Variants in ZMYM5 observed in about 807,000 individuals in gnomAD.
ZMYM5 encodes the protein zinc finger MYM-type protein 5.
ZMYM5 carries 41 observed loss-of-function variants against 61.8 expected under a neutral mutation model. The ratio of observed to expected loss-of-function variants is 0.66; its 90% CI spans 0.52 to 0.86. The LOEUF is 0.86. ZMYM5 is among the 40% of genes least tolerant of loss of function. The pLI, the probability that ZMYM5 is intolerant of heterozygous loss-of-function variation, is 0.00. For missense variants in ZMYM5, 706 were observed against 786.7 expected (o/e 0.90, Z 1.23); for synonymous variants, 257 against 276.4 (o/e 0.93, Z 0.70).
At chr13:19,832,516 A>G (rs1294400470) in intron 7 of ZMYM5, among the ~76,000 whole-genome samples, 2 of 149,758 alleles carry the variant, frequency 1.3e-5, no homozygotes, top group Non-Finnish European at 3.0e-5. Flanking sequence ...TAGTAGAGAC[A>G]GGGTTTCACT....
In ZMYM5 at chr13:19,838,967, G is replaced by C. The variant is rs1036089252; in HGVS notation, c.605C>G (p.Ser202Ter). 6.2e-7 allele frequency: 1 copy of C among 1,609,458 alleles called. No individual in the cohort carries two copies. The highest frequency in any genetic ancestry group is 8.5e-7 in the Non-Finnish European group (1 of 1,177,480). ...TTTCTGATTACTGGGAAATGAAGCT[G>C]ACTGGGAGATCCAAGAATCTTAAAA... is the stretch of plus-strand genomic sequence containing the variant. ...HHSPDSWISQ[S>*]ASFPSNQKQP... Residue 202 changes from serine (S) to a stop codon, truncating the protein, a stop_gained, in exon 5 of 8, where the codon TCA (serine) becomes TGA (stop). Coordinates refer to ENST00000337963, the MANE Select transcript of ZMYM5 (RefSeq NM_001142684.2). LOFTEE classifies it high-confidence loss of function.
rs753102169 is a variant in ZMYM5 at position 19,824,932 on chromosome 13, A to G, written c.1555T>C (p.Ser519Pro). The G allele has an allele frequency of 9.5e-6, 13 of 1,363,652 alleles. No individual in the cohort carries two copies. The highest frequency in any genetic ancestry group is 1.3e-5 in the Non-Finnish European group (13 of 1,019,878). The allele number at this position is 1,363,652 out of a possible 1,614,324, so 84.5% of individuals were successfully genotyped here. A position where few individuals can be genotyped will look rare whatever the true frequency, so the allele number is the denominator to read the frequency against. Reference protein sequence around the residue: ...FEDSIVPVVLSADPGTWPRIL... With the variant: ...FEDSIVPVVLPADPGTWPRIL... ...CGGGGCCACGTACCTGGATCTGCGG[A>G]AAGCACAACTGGTACAATGGAGTCT... Residue 519 changes from serine to proline, a missense_variant, in exon 8 of 8, where the codon TCC (serine) becomes CCC (proline). Physicochemically the swap from Ser to Pro is moderately conservative, Grantham distance 74. Coordinates refer to ENST00000337963, the MANE Select transcript of ZMYM5 (RefSeq NM_001142684.2).
At chr13:19,842,373 T>C (rs1397579357) in intron 4 of ZMYM5, among the ~76,000 whole-genome samples, 3 of 152,176 alleles carry the variant, frequency 2.0e-5, no homozygotes, top group Non-Finnish European at 4.4e-5. Flanking sequence ...ACCTTCAATT[T>C]ATCTACATGG....
At chr13:19,844,357 A>C (rs1168584883) in intron 4 of ZMYM5, among the ~76,000 whole-genome samples, 8 of 152,158 alleles carry the variant, frequency 5.3e-5, no homozygotes, top group Admixed American at 5.2e-4. Context: ...TTTTCAATGG[A>C]CATTATTTCA....
At chr13:19,861,307 C>A (rs1398466074) in intron 2 of ZMYM5, among the ~76,000 whole-genome samples, 1 of 152,118 alleles carries the variant, frequency 6.6e-6, no homozygotes, top group Non-Finnish European at 1.5e-5. Context: ...TGCCACCATG[C>A]TCAGCTAATT....
intron 4 of ZMYM5, among the ~76,000 whole-genome samples, chr13:19,840,881 A>T (rs1038665777): frequency 6.6e-6 from 1 of 150,742 alleles, no homozygotes; most frequent in African/African-American, 2.4e-5. Context: ...GTTTCACCGT[A>T]TTAGCCAGGA....
intron 7 of ZMYM5, among the ~76,000 whole-genome samples, chr13:19,834,723 C>T (rs890178712): frequency 1.3e-5 from 2 of 152,106 alleles, no homozygotes; most frequent in African/African-American, 4.8e-5. Flanking sequence ...CAGAGTCTTG[C>T]TCTGTCACCC....
chr13:19,827,847 G>A (rs986678575), intron 7 of ZMYM5, among the ~76,000 whole-genome samples: 5 of 151,200 alleles, frequency 3.3e-5, no homozygotes, highest in Admixed American at 2.0e-4. Context: ...GTGAAACCCC[G>A]TCTCTACTAA....
intron 7 of ZMYM5, among the ~76,000 whole-genome samples, chr13:19,827,948 G>A (rs1446987640): frequency 2.1e-5 from 3 of 145,946 alleles, no homozygotes; most frequent in Non-Finnish European, 4.5e-5. Flanking sequence ...GAACCCGGGA[G>A]GCGGAGATTG....
At chr13:19,846,839 A>G (rs564855738) in intron 4 of ZMYM5, among the ~76,000 whole-genome samples, 2 of 151,840 alleles carry the variant, frequency 1.3e-5, no homozygotes, top group Admixed American at 6.6e-5. Context: ...AGGTGGGAGG[A>G]TAACTTGAGC....
rs144591402 is a variant in ZMYM5 at position 19,850,517 on chromosome 13, G to C, written c.586+838C>G. 8.2e-3 allele frequency among the ~76,000 whole-genome samples: 1,241 copies of C among 151,930 alleles called. 17 individuals are homozygous for C. Among genetic ancestry groups the C allele is most frequent in the African/African-American group, 0.029 (1,193 of 41,448 alleles). ...CTGGGAGGCTGAGGCAGGAGAATCAGTTGAACCCGGGAGGGAGGGGCTGCA... is the reference window on the plus strand; with the variant it reads ...CTGGGAGGCTGAGGCAGGAGAATCACTTGAACCCGGGAGGGAGGGGCTGCA... On this transcript the variant is annotated intron_variant, in intron 4 of 7. Coordinates refer to ENST00000337963, the MANE Select transcript of ZMYM5 (RefSeq NM_001142684.2).
intron 6 of ZMYM5, 127 bp downstream of exon 6, chr13:19,837,529 T>G (rs556703096): frequency 6.2e-7 from 1 of 1,603,922 alleles, no homozygotes; most frequent in Non-Finnish European, 8.5e-7. Flanking sequence ...TCCTTATTCT[T>G]CCTTTCAGCT....
At chr13:19,860,928 A>T (rs1040471116) in intron 2 of ZMYM5, among the ~76,000 whole-genome samples, 2 of 143,006 alleles carry the variant, frequency 1.4e-5, no homozygotes, top group Non-Finnish European at 1.5e-5. Flanking sequence ...ATGCATGTAT[A>T]TGCGCACGTG....
chr13:19,853,698 C>A (rs990982793), intron 2 of ZMYM5, among the ~76,000 whole-genome samples: 19 of 151,702 alleles, frequency 1.3e-4, no homozygotes, highest in Middle Eastern at 3.4e-3. Context: ...ACCTCCCAGG[C>A]TCAAGTGATC....
At position 19,858,871 on chromosome 13, in the gene ZMYM5, A is replaced by G. The variant is rs74035431; in HGVS notation, c.-11+3528T>C. Among the ~76,000 whole-genome samples, 956 of 152,312 alleles carry G rather than the reference A, an allele frequency of 6.3e-3. 16 individuals are homozygous for G. The highest frequency in any genetic ancestry group is 0.021 in the African/African-American group (875 of 41,570). On this transcript the variant is annotated intron_variant, in intron 2 of 7. Coordinates refer to ENST00000337963, the MANE Select transcript of ZMYM5 (RefSeq NM_001142684.2). ...CCTGGAACAGAATGGGCAGATGCTA[A>G]GAAAAGAGGTTGAGAGATATCTTCC... is the stretch of plus-strand genomic sequence containing the variant.
intron 4 of ZMYM5, among the ~76,000 whole-genome samples, chr13:19,839,478 C>A (rs1952788221): frequency 6.6e-6 from 1 of 151,986 alleles, no homozygotes; most frequent in African/African-American, 2.4e-5. Flanking sequence ...TACCTCTGCC[C>A]CCCAGGTTCA....
Position 19,852,108 on chromosome 13 carries a change from C to T in ZMYM5, c.73G>A (p.Ala25Thr). The change falls in exon 3 of 8, where the codon GCA becomes ACA. Residue 25 changes from alanine to threonine, a missense_variant. This residue lies in a region of ZMYM5 where 480 missense variants were observed against 461.7 expected (regional missense o/e 1.04). Transcript: ENST00000337963. ...TCCCCTATGTCCATGAGACTAGTTGCCATGGCCATATTCCCTAATAAAGCA... is the reference window on the plus strand; with the variant it reads ...TCCCCTATGTCCATGAGACTAGTTGTCATGGCCATATTCCCTAATAAAGCA... ...TPALLGNMAM[A>T]TSLMDIGDSF... 1 of 1,613,642 alleles carries T rather than the reference C, an allele frequency of 6.2e-7. No individual in the cohort carries two copies. The highest frequency in any genetic ancestry group is 8.5e-7 in the Non-Finnish European group (1 of 1,180,006).
At chr13:19,828,815 G>T (rs1433729483) in intron 7 of ZMYM5, among the ~76,000 whole-genome samples, 2 of 152,192 alleles carry the variant, frequency 1.3e-5, no homozygotes, top group East Asian at 3.8e-4. Context: ...TTGGGTGGAT[G>T]GTGGCTTCAT....
At chr13:19,830,821 G>A (rs1042166197) in intron 7 of ZMYM5, among the ~76,000 whole-genome samples, 1 of 144,798 alleles carries the variant, frequency 6.9e-6, no homozygotes, top group Non-Finnish European at 1.5e-5. Context: ...TTTGCCAACT[G>A]TTTATGAGTT....
Sources: gnomAD v4.1 joint callset for allele counts (sites outside exome capture counted in the v4.1 genomes callset) on GRCh38, gnomAD v4.1.1 for gene constraint, gnomAD v4.1.1 regional missense constraint, MANE v1.5 for transcripts, NCBI Gene and HGNC (gene_info 2026-07-23, HGNC 2026-07-21) for gene names.